NDUFS1: variants seen among roughly 807,000 people sequenced by gnomAD.
NDUFS1 encodes NADH:ubiquinone oxidoreductase core subunit S1.
In NDUFS1, 61 loss-of-function variants were observed where a neutral mutation model predicts 84.4. The ratio of observed to expected loss-of-function variants is 0.72; its 90% CI spans 0.59 to 0.89. NDUFS1 has a LOEUF of 0.89. Ranked by LOEUF, NDUFS1 falls within the 40% of genes least tolerant of loss-of-function variation. The pLI is 0.00. For synonymous variants in NDUFS1, 275 were observed against 290.0 expected (o/e 0.95, Z 0.53); for missense variants, 891 against 890.0 (o/e 1.00, Z -0.01).
Position 206,123,894 on chromosome 2 carries a change from T to C in NDUFS1, c.*291A>G. ...TTTACAGACAAATTATTTATGAAGA[T>C]AAGCCAACAACTCATAATTTAAGGA... is the stretch of plus-strand genomic sequence containing the variant. On this transcript the variant is annotated 3_prime_UTR_variant, in exon 19 of 19. Transcript: ENST00000233190. The C allele has an allele frequency of 3.5e-6, 1 of 283,750 alleles. No individual in the cohort carries two copies. Among genetic ancestry groups the C allele is most frequent in the Non-Finnish European group, 6.5e-6 (1 of 154,214 alleles). 17.6% of individuals were successfully genotyped at this position (283,750 alleles called of 1,614,324 possible).
rs139928027 is a variant in NDUFS1 at position 206,126,538 on chromosome 2, C to T, written c.2092+1G>A. The T allele has an allele frequency of 7.4e-6, 12 of 1,613,782 alleles. No homozygotes were observed. Among genetic ancestry groups the T allele is most frequent in the Non-Finnish European group, 9.3e-6 (11 of 1,179,776 alleles). The stretch of plus-strand genomic sequence containing the variant: ...GCAGAGTCATGTTGACAATTACATA[C>T]CTGTCATGTAGAAGTCTTTTATAGT... On this transcript the variant is annotated splice_donor_variant, in intron 18 of 18. Coordinates refer to ENST00000233190, the MANE Select transcript of NDUFS1 (RefSeq NM_005006.7). LOFTEE classifies it high-confidence loss of function.
At chr2:206,152,082 G>C (rs1013237634) in intron 3 of NDUFS1, among the ~76,000 whole-genome samples, 2 of 152,132 alleles carry the variant, frequency 1.3e-5, no homozygotes, top group African/African-American at 4.8e-5. Flanking sequence ...GGCCAGGCTG[G>C]TCTAGAACTC....
intron 12 of NDUFS1, among the ~76,000 whole-genome samples, chr2:206,140,922 G>GTATATA (rs142969226): frequency 4.7e-5 from 6 of 128,004 alleles, no homozygotes; most frequent in East Asian, 2.1e-4. Flanking sequence ...TATGTAGTGT[G>GTATATA]TATATATATA....
rs1692407057 is a variant in NDUFS1, at chr2:206,152,454, A to G, written c.118T>C (p.Ser40Pro). ...GTCGTTCCCGGTTCCACCATGACAG[A>G]CTGACCATCAACAAATACTTCAATC... The part of the protein sequence containing the change: ...NLIEVFVDGQ[S>P]VMVEPGTTVL... The change falls in exon 3 of 19, where the codon TCT becomes CCT. Residue 40 changes from serine to proline, a missense_variant. By Grantham distance (74) the Ser-to-Pro change is moderately conservative. Transcript: ENST00000233190. 3.1e-6 allele frequency: 5 copies of G among 1,614,036 alleles called. No individual in the cohort carries two copies. The highest frequency in any genetic ancestry group is 4.2e-6 in the Non-Finnish European group (5 of 1,180,002).
rs1450569009 is a variant in NDUFS1 at position 206,122,014 on chromosome 2, G to T, written c.*2171C>A. The T allele has an allele frequency of 6.6e-6, 1 of 152,190 alleles. No homozygotes were observed. The highest frequency in any genetic ancestry group is 1.9e-4 in the East Asian group (1 of 5,176). The allele number at this position is 152,190 out of a possible 1,614,324, so 9.4% of individuals were successfully genotyped here. A position where few individuals can be genotyped will look rare whatever the true frequency, so the allele number is the denominator to read the frequency against. On this transcript the variant is annotated 3_prime_UTR_variant, in exon 19 of 19. Transcript: ENST00000233190. ...TATTAAGTTCAAACACTTTTGGCAAGAATTTATACAATTTCAGGTAACTGG... is the reference window on the plus strand; with the variant it reads ...TATTAAGTTCAAACACTTTTGGCAATAATTTATACAATTTCAGGTAACTGG...
chr2:206,155,153 C>T (rs1234537817), intron 1 of NDUFS1, among the ~76,000 whole-genome samples: 3 of 151,962 alleles, frequency 2.0e-5, no homozygotes, highest in Non-Finnish European at 2.9e-5. Context: ...GAGTCCCGCT[C>T]TGTTGCCCAG....
At chr2:206,135,566 G>A (rs7570864) in intron 13 of NDUFS1, among the ~76,000 whole-genome samples, 3,987 of 151,868 alleles carry the variant, frequency 0.026, 179 homozygotes, top group African/African-American at 0.092. Flanking sequence ...CCAGGTACTC[G>A]GGAGGCTGAG....
rs1164002291 is a variant in NDUFS1, at chr2:206,130,200, A to C, written c.1596T>G (p.Pro532=). The change falls in exon 15 of 19, where the codon CCT becomes CCG. Residue 532 remains proline (P), a synonymous_variant. Coordinates refer to ENST00000233190, the MANE Select transcript of NDUFS1 (RefSeq NM_005006.7). ...QVAALDLGYK[P]GVEAIRKNPP... ...GGTTCTTCCGAATTGCTTCCACCCC[A>C]GGCTTATAGCCAAGGTCCAAAGCAG... 11 of 1,614,086 alleles carry C rather than the reference A, an allele frequency of 6.8e-6. No homozygotes were observed. The highest frequency in any genetic ancestry group is 7.6e-6 in the Non-Finnish European group (9 of 1,180,042).
chr2:206,152,225 C>G (rs1692396982), intron 3 of NDUFS1, among the ~76,000 whole-genome samples, 194 bp downstream of exon 3: 1 of 152,078 alleles, frequency 6.6e-6, no homozygotes, highest in Non-Finnish European at 1.5e-5. Context: ...CCATAATTCA[C>G]TAAAAATGCC....
At chr2:206,148,886 T>C (rs1009721090) in intron 5 of NDUFS1, 134 bp downstream of exon 5, 11 of 691,150 alleles carry the variant, frequency 1.6e-5, no homozygotes, top group Non-Finnish European at 2.9e-5. Context: ...TCACTTCTAT[T>C]GCTCCTAGAA....
rs1386824414 is a variant in NDUFS1 at position 206,159,323 on chromosome 2, A to G, written c.-5+18T>C. 8 of 643,928 alleles carry G rather than the reference A, an allele frequency of 1.2e-5. No homozygotes were observed. Among genetic ancestry groups the G allele is most frequent in the African/African-American group, 1.1e-4 (6 of 55,010 alleles). 39.9% of individuals were successfully genotyped at this position (643,928 alleles called of 1,614,324 possible). On this transcript the variant is annotated intron_variant, in intron 1 of 18. Transcript: ENST00000233190. ...CTGGCCGACGCACCTCACCCTTCCC[A>G]TCCATACAAGACCTCACCTTCTCCC...
chr2:206,150,123 G>A (rs13387120), intron 3 of NDUFS1, among the ~76,000 whole-genome samples, 198 bp from the exon 4 acceptor site: 4 of 151,956 alleles, frequency 2.6e-5, no homozygotes, highest in African/African-American at 9.7e-5. Flanking sequence ...AGCTGCCTCA[G>A]AGGATCTCAG....
chr2:206,150,907 GT>G (rs373076284), intron 3 of NDUFS1, among the ~76,000 whole-genome samples: 24 of 148,712 alleles, frequency 1.6e-4, no homozygotes, highest in African/African-American at 4.7e-4. Flanking sequence ...CTTCTTTTGT[GT>G]TTTTTTTTTC....
intron 15 of NDUFS1, among the ~76,000 whole-genome samples, chr2:206,129,581 AT>A (rs1476733866): frequency 6.7e-6 from 1 of 149,360 alleles, no homozygotes; most frequent in East Asian, 2.0e-4. Flanking sequence ...TAGTTCATAT[AT>A]TTTGGTTTAA....
chr2:206,143,226 CCAGCCTGGGCGACAA>C (rs1692031710), intron 10 of NDUFS1, among the ~76,000 whole-genome samples: 1 of 152,154 alleles, frequency 6.6e-6, no homozygotes, highest in South Asian at 2.1e-4. Context: ...CCACCGCACT[CCAGCCTGGGCGACAA>C]CAGCAAAACT....
chr2:206,125,823 A>G (rs1175991403), intron 18 of NDUFS1, among the ~76,000 whole-genome samples: 1 of 152,092 alleles, frequency 6.6e-6, no homozygotes, highest in Non-Finnish European at 1.5e-5. Context: ...CTCCACTCTC[A>G]AGTAGACTAC....
intron 13 of NDUFS1, among the ~76,000 whole-genome samples, chr2:206,135,963 C>G (rs564915801): frequency 6.6e-6 from 1 of 151,844 alleles, no homozygotes; most frequent in East Asian, 1.9e-4. Flanking sequence ...TGTGAGCAAG[C>G]AAATGCACTG....
In NDUFS1 at chr2:206,121,920, A is replaced by C. The variant is rs1691107672; in HGVS notation, c.*2265T>G. 1 of 152,174 alleles carries C rather than the reference A, an allele frequency of 6.6e-6. No individual in the cohort carries two copies. The allele number at this position is 152,174 out of a possible 1,614,324, so 9.4% of individuals were successfully genotyped here. A position where few individuals can be genotyped will look rare whatever the true frequency, so the allele number is the denominator to read the frequency against. On this transcript the variant is annotated 3_prime_UTR_variant, in exon 19 of 19. Coordinates refer to ENST00000233190, the MANE Select transcript of NDUFS1 (RefSeq NM_005006.7). The stretch of plus-strand genomic sequence containing the variant: ...ACATATTCATTAACAGTATTATATA[A>C]AATACAAAATTGGGACTATGTCCCC...
intron 10 of NDUFS1, 44 bp downstream of exon 10, chr2:206,143,974 G>A: frequency 1.4e-6 from 2 of 1,475,110 alleles, no homozygotes; most frequent in Middle Eastern, 1.7e-4. Flanking sequence ...GATGTTTCTT[G>A]ATAATCACAA....
Sources: gnomAD v4.1 joint callset for allele counts (sites outside exome capture counted in the v4.1 genomes callset) on GRCh38, gnomAD v4.1.1 for gene constraint, MANE v1.5 for transcripts, NCBI Gene and HGNC (gene_info 2026-07-23, HGNC 2026-07-21) for gene names.